Variants in BRDT observed in about 807,000 individuals in gnomAD.
BRDT encodes the protein bromodomain testis associated.
BRDT carries 77 observed loss-of-function variants against 113.9 expected under a neutral mutation model. That is an observed-to-expected ratio of 0.68 (90% CI 0.56 to 0.82). The LOEUF is 0.82. Among genes scored for constraint, BRDT ranks in the 40% least tolerant of loss-of-function variants. The pLI, the probability that BRDT is intolerant of heterozygous loss-of-function variation, is 0.00. For synonymous variants in BRDT, 358 were observed against 366.5 expected, an observed-to-expected ratio of 0.98 and a Z score of 0.26; for missense variants, 1,027 against 1,105.4, an observed-to-expected ratio of 0.93 and a Z score of 1.01.
In BRDT at chr1:92,006,511, A is replaced by G. The variant is rs537720949; in HGVS notation, c.2775+1212A>G. The stretch of plus-strand genomic sequence containing the variant: ...GATGAAGTTTCGCTTTTGTTGCCCA[A>G]GCTGGAGTGCAGTGGTGTGATCTCG... On this transcript the variant is annotated intron_variant, in intron 18 of 18. Transcript: ENST00000399546. Among the ~76,000 whole-genome samples the G allele has an allele frequency of 1.2e-4, 18 of 152,050 alleles. No individual in the cohort carries two copies. The East Asian group carries it at 3.3e-3, about 28-fold the overall frequency.
In BRDT at chr1:92,009,916, G is replaced by A. The variant is rs149794555; in HGVS notation, c.2776-4290G>A. ...CACTTTTGCTGAATTTAGAACTCTAGAGCTTTAATGTTTTTTCTTTTAGCA... is the reference window on the plus strand; with the variant it reads ...CACTTTTGCTGAATTTAGAACTCTAAAGCTTTAATGTTTTTTCTTTTAGCA... On this transcript the variant is annotated intron_variant, in intron 18 of 18. Transcript: ENST00000399546. Among the ~76,000 whole-genome samples the A allele has an allele frequency of 4.6e-3, 696 of 151,978 alleles. 6 individuals carry two copies. Among genetic ancestry groups the A allele is most frequent in the African/African-American group, 0.016 (661 of 41,462 alleles).
chr1:91,974,681 G>T (rs1229000514), intron 4 of BRDT, among the ~76,000 whole-genome samples: 2 of 152,196 alleles, frequency 1.3e-5, no homozygotes, highest in Non-Finnish European at 2.9e-5. Flanking sequence ...TACACTGTTG[G>T]TGGGACTGTA....
intron 17 of BRDT, among the ~76,000 whole-genome samples, chr1:92,004,874 A>G (rs1436793234): frequency 6.6e-6 from 1 of 152,136 alleles, no homozygotes; most frequent in Non-Finnish European, 1.5e-5. Flanking sequence ...AATGTCTTAA[A>G]GTTTTTCTGG....
intron 4 of BRDT, among the ~76,000 whole-genome samples, chr1:91,973,032 G>A (rs1314308756): frequency 6.6e-6 from 1 of 152,174 alleles, no homozygotes; most frequent in Non-Finnish European, 1.5e-5. Flanking sequence ...TATATGGGGT[G>A]GTTGAGAAGG....
chr1:91,987,846 GTTTT>G (rs1396813215), intron 12 of BRDT, among the ~76,000 whole-genome samples: 1 of 150,834 alleles, frequency 6.6e-6, no homozygotes, highest in Non-Finnish European at 1.5e-5. Context: ...AGTTCTATGG[GTTTT>G]TTTTGTTTTG....
chr1:91,960,135 A>C (rs966329182), intron 1 of BRDT, among the ~76,000 whole-genome samples: 3 of 152,208 alleles, frequency 2.0e-5, no homozygotes, highest in African/African-American at 7.2e-5. Context: ...GGAAAATGGG[A>C]TGGGCTTCCT....
intron 18 of BRDT, among the ~76,000 whole-genome samples, chr1:92,013,293 A>C (rs1188851578): frequency 1.3e-5 from 2 of 152,070 alleles, no homozygotes; most frequent in Non-Finnish European, 2.9e-5. Context: ...TCTAAGGCAG[A>C]TTTAAAGAAA....
chr1:91,975,454 A>G (rs1684045413), intron 4 of BRDT, among the ~76,000 whole-genome samples: 1 of 152,162 alleles, frequency 6.6e-6, no homozygotes, highest in Admixed American at 6.6e-5. Flanking sequence ...AGGATAGACT[A>G]TAGAGGACCG....
chr1:91,957,722 A>G (rs1681944451), intron 1 of BRDT: 1 of 152,174 alleles, frequency 6.6e-6, no homozygotes, highest in African/African-American at 2.4e-5. Context: ...TTATACTATC[A>G]TACAAGGTAG....
chr1:91,981,595 T>A (rs996979325), intron 11 of BRDT, 23 bp from the exon 12 acceptor site: 1 of 1,607,330 alleles, frequency 6.2e-7, no homozygotes, highest in Middle Eastern at 1.7e-4. Flanking sequence ...TCTGGCATTT[T>A]AATATGTTTC....
At chr1:91,957,439 G>T (rs1681904076) in intron 1 of BRDT, 1 of 152,046 alleles carries the variant, frequency 6.6e-6, no homozygotes, top group Admixed American at 6.6e-5. Context: ...CTTGGACTGA[G>T]CCGAGATTGC....
chr1:91,964,462 C>T (rs540596302), intron 2 of BRDT, among the ~76,000 whole-genome samples, 165 bp from the exon 3 acceptor site: 8 of 152,152 alleles, frequency 5.3e-5, no homozygotes, highest in Admixed American at 4.6e-4. Context: ...TCCCGAAGTG[C>T]GGGACTACAG....
chr1:91,968,419 A>G, intron 4 of BRDT, 159 bp downstream of exon 4: 1 of 1,112,128 alleles, frequency 9.0e-7, no homozygotes, highest in Non-Finnish European at 1.2e-6. Context: ...CCAAACCTTG[A>G]TCACAAGGAT....
chr1:91,963,043 G>A, intron 2 of BRDT, 97 bp downstream of exon 2: 2 of 1,052,652 alleles, frequency 1.9e-6, no homozygotes, highest in Middle Eastern at 2.8e-4. Context: ...AACATATTTG[G>A]CCAGGCGCGT....
chr1:91,957,354 G>A (rs1268137260), intron 1 of BRDT, among the ~76,000 whole-genome samples: 1 of 152,154 alleles, frequency 6.6e-6, no homozygotes, highest in African/African-American at 2.4e-5. Flanking sequence ...CTAGCTGGGT[G>A]TGGTGGCGGG....
intron 1 of BRDT, among the ~76,000 whole-genome samples, chr1:91,958,421 G>C (rs988212802): frequency 1.3e-5 from 2 of 152,002 alleles, no homozygotes; most frequent in African/African-American, 4.8e-5. Flanking sequence ...TCACCATATT[G>C]CCCAGGCTGG....
chr1:91,980,855 C>T (rs567816328), intron 9 of BRDT, 34 bp from the exon 10 acceptor site: 60 of 1,592,314 alleles, frequency 3.8e-5, no homozygotes, highest in South Asian at 1.4e-4. Context: ...AAGACAATAA[C>T]GATAAGTTGG....
chr1:91,981,263 C>T lies in BRDT; in HGVS notation c.1751-5C>T, dbSNP rs542747184. ...ACTCACTTTCTTCCCTCCTAAATCA[C>T]ACAGCTAAGAAAATAATGATGTCCA... On this transcript the variant is annotated splice_polypyrimidine_tract_variant and splice_region_variant and intron_variant, in intron 10 of 18. Transcript: ENST00000399546. 32 of 1,612,910 alleles carry T rather than the reference C, an allele frequency of 2.0e-5. No individual in the cohort carries two copies. The Admixed American group carries it at 2.0e-4, about 10-fold the overall frequency.
rs1307935677 is a variant in BRDT, at chr1:91,978,248, G to A, written c.1050G>A (p.Lys350=). 1.2e-6 allele frequency: 2 copies of A among 1,614,130 alleles called. No individual in the cohort carries two copies. Among genetic ancestry groups the A allele is most frequent in the Non-Finnish European group, 1.7e-6 (2 of 1,180,006 alleles). The change falls in exon 7 of 19, where the codon AAG becomes AAA. Residue 350 remains lysine, a synonymous_variant. Transcript: ENST00000399546. ...GATTAATGTTCATGAATTGCTACAAGTACAATCCTCCAGATCACGAAGTTG... is the reference window on the plus strand; with the variant it reads ...GATTAATGTTCATGAATTGCTACAAATACAATCCTCCAGATCACGAAGTTG... The part of the protein sequence containing the change: ...DVRLMFMNCY[K]YNPPDHEVVT...
Sources: allele counts gnomAD v4.1 joint callset (sites outside exome capture counted in the v4.1 genomes callset), GRCh38; gene constraint gnomAD v4.1.1; transcripts MANE v1.5; gene names NCBI Gene and HGNC (gene_info 2026-07-23, HGNC 2026-07-21).